AKAP13: variants seen among roughly 807,000 people sequenced by gnomAD.
The protein encoded by AKAP13 is A-kinase anchoring protein 13.
A neutral mutation model predicts 264.5 loss-of-function variants in AKAP13; 80 were observed. The observed-to-expected ratio is 0.30, with a 90% CI of 0.25 to 0.36. The LOEUF (loss-of-function observed/expected upper bound fraction) is 0.36, where lower values mean the gene tolerates loss of function less well. Among genes scored for constraint, AKAP13 ranks in the 10% least tolerant of loss-of-function variants. The pLI, the probability that AKAP13 is intolerant of heterozygous loss-of-function variation, is 1.00. For synonymous variants in AKAP13, 1,380 were observed against 1,250.2 expected (o/e 1.10, Z -2.19); for missense variants, 3,712 against 3,435.2 (o/e 1.08, Z -2.01).
chr15:85,740,475 C>T (rs187580084), intron 34 of AKAP13: 36 of 565,750 alleles, frequency 6.4e-5, no homozygotes, highest in African/African-American at 5.2e-4. Flanking sequence ...AGCTGGTGTG[C>T]CGTAGGCATG....
chr15:85,593,046 A>G (rs1280845876), intron 8 of AKAP13, among the ~76,000 whole-genome samples: 1 of 152,216 alleles, frequency 6.6e-6, no homozygotes, highest in Non-Finnish European at 1.5e-5. Flanking sequence ...TAATTTAAAA[A>G]ATACTGTAAT....
At chr15:85,738,580 T>C (rs1211099680) in intron 33 of AKAP13, among the ~76,000 whole-genome samples, 1 of 152,002 alleles carries the variant, frequency 6.6e-6, no homozygotes, top group Non-Finnish European at 1.5e-5. Context: ...AAATGTTTGG[T>C]GTTTTCCCAG....
intron 1 of AKAP13, among the ~76,000 whole-genome samples, chr15:85,399,527 A>AAAAT (rs1256301409): frequency 8.7e-6 from 1 of 114,740 alleles, no homozygotes; most frequent in Non-Finnish European, 1.8e-5. Flanking sequence ...AAAAAATAAA[A>AAAAT]AAATAAAAAA....
intron 8 of AKAP13, among the ~76,000 whole-genome samples, chr15:85,590,822 CT>C (rs1325241667): frequency 6.6e-6 from 1 of 152,146 alleles, no homozygotes. Flanking sequence ...TCGTTGTCAT[CT>C]TTTTTTCCTT....
chr15:85,598,883 A>G (rs956715637), intron 8 of AKAP13, among the ~76,000 whole-genome samples: 1 of 152,260 alleles, frequency 6.6e-6, no homozygotes, highest in Non-Finnish European at 1.5e-5. Flanking sequence ...CCCTGTTGAC[A>G]GCATTGCTTG....
intron 9 of AKAP13, among the ~76,000 whole-genome samples, chr15:85,640,234 CT>C (rs923782685): frequency 1.3e-5 from 2 of 152,194 alleles, no homozygotes; most frequent in Admixed American, 1.3e-4. Flanking sequence ...TGAGTAATCC[CT>C]GTGCCTGTTC....
chr15:85,418,919 T>C (rs1477053498), intron 1 of AKAP13, among the ~76,000 whole-genome samples: 1 of 152,172 alleles, frequency 6.6e-6, no homozygotes, highest in Non-Finnish European at 1.5e-5. Context: ...TATAGATAAT[T>C]AAATTCAGCA....
At chr15:85,710,062 A>T (rs1415072255) in intron 18 of AKAP13, among the ~76,000 whole-genome samples, 1 of 152,154 alleles carries the variant, frequency 6.6e-6, no homozygotes, top group African/African-American at 2.4e-5. Context: ...TCAGTGTATA[A>T]TCTCTCAAAG....
intron 8 of AKAP13, among the ~76,000 whole-genome samples, chr15:85,612,406 C>A (rs1368881095): frequency 2.0e-5 from 3 of 152,054 alleles, no homozygotes; most frequent in East Asian, 3.9e-4. Flanking sequence ...ATTTTTTTTA[C>A]TGGTGGTTTT....
intron 9 of AKAP13, among the ~76,000 whole-genome samples, chr15:85,644,230 CTTCTT>C (rs1175166744): frequency 5.1e-5 from 2 of 38,914 alleles, no homozygotes; most frequent in African/African-American, 1.1e-4. Context: ...TGACTTTTAT[CTTCTT>C]TTTTTTTTTT....
intron 18 of AKAP13, among the ~76,000 whole-genome samples, chr15:85,709,494 C>A (rs2086505037): frequency 6.6e-6 from 1 of 152,094 alleles, no homozygotes; most frequent in East Asian, 1.9e-4. Context: ...CCACACCCCA[C>A]CCCACCCCAG....
At position 85,630,488 on chromosome 15, in the gene AKAP13, C is replaced by T. The variant is rs1406466544; in HGVS notation, c.4162-8886C>T. On this transcript the variant is annotated intron_variant, in intron 8 of 36. Coordinates refer to ENST00000394518, the MANE Select transcript of AKAP13 (RefSeq NM_007200.5). ...AAGATGCTATGGTAGGCTTATTGAC[C>T]GACCTAACATTTTCACATCTCACAT... Among the ~76,000 whole-genome samples the T allele has an allele frequency of 2.0e-5, 3 of 152,100 alleles. No individual in the cohort carries two copies. In the East Asian group the frequency reaches 5.8e-4, roughly 29 times the overall value.
chr15:85,587,164 T>A (rs117652744), intron 8 of AKAP13, among the ~76,000 whole-genome samples: 278 of 152,306 alleles, frequency 1.8e-3, no homozygotes, highest in Non-Finnish European at 2.2e-3. Flanking sequence ...GTGCCTTTCC[T>A]TCACTCTTCC....
rs942993524 is a variant in AKAP13 at position 85,593,476 on chromosome 15, C to T, written c.4161+7653C>T. Among the ~76,000 whole-genome samples the T allele has an allele frequency of 8.6e-5, 13 of 151,978 alleles. No individual in the cohort carries two copies. In the South Asian group the frequency reaches 2.5e-3, roughly 29 times the overall value. ...CTTGAACTCCTGGGCACAAGTGATCCTCCTGCCTTGGCCTCCCAAGGTGCA... is the reference window on the plus strand; with the variant it reads ...CTTGAACTCCTGGGCACAAGTGATCTTCCTGCCTTGGCCTCCCAAGGTGCA... On this transcript the variant is annotated intron_variant, in intron 8 of 36. Transcript: ENST00000394518.
At chr15:85,388,775 A>G (rs545617632) in intron 1 of AKAP13, among the ~76,000 whole-genome samples, 22 of 152,048 alleles carry the variant, frequency 1.4e-4, no homozygotes, top group Non-Finnish European at 2.9e-4. Flanking sequence ...GTTTCCCGTT[A>G]TGTTCATTTT....
intron 1 of AKAP13, among the ~76,000 whole-genome samples, chr15:85,409,740 C>T (rs566817921): frequency 6.6e-6 from 1 of 150,640 alleles, no homozygotes; most frequent in South Asian, 2.1e-4. Context: ...ACGCCATTCT[C>T]CTGCGTCAGC....
chr15:85,744,698 G>T lies in AKAP13; in HGVS notation c.*21G>T, dbSNP rs759841589. On this transcript the variant is annotated 3_prime_UTR_variant, in exon 37 of 37. Transcript: ENST00000394518. ...GCTGACCCTCTTCCTCTCTGCTGAG[G>T]CAGCTGCCTCCTGATCCTGGCCAGC... is the stretch of plus-strand genomic sequence containing the variant. 3.8e-6 allele frequency: 6 copies of T among 1,587,422 alleles called. No homozygotes were observed. In the Admixed American group the frequency reaches 5.3e-5, roughly 14 times the overall value.
chr15:85,698,174 A>T (rs2085672280), intron 17 of AKAP13, among the ~76,000 whole-genome samples: 1 of 152,162 alleles, frequency 6.6e-6, no homozygotes. Context: ...GATAATAAAG[A>T]GAGAATATAA....
chr15:85,681,874 T>C (rs554009894), intron 14 of AKAP13, among the ~76,000 whole-genome samples: 2 of 152,316 alleles, frequency 1.3e-5, no homozygotes, highest in Admixed American at 6.5e-5. Flanking sequence ...ATGCTTCATA[T>C]GTGTTTAAGC....
Sources: allele counts gnomAD v4.1 joint callset (sites outside exome capture counted in the v4.1 genomes callset), GRCh38; gene constraint gnomAD v4.1.1; transcripts MANE v1.5; gene names NCBI Gene and HGNC (gene_info 2026-07-23, HGNC 2026-07-21).